The following TRDN variants were observed in gnomAD, a reference collection of about 807,000 sequenced individuals.
The protein encoded by TRDN is triadin.
A neutral mutation model predicts 149.7 loss-of-function variants in TRDN; 161 were observed. The ratio of observed to expected loss-of-function variants is 1.08; its 90% confidence interval spans 0.95 to 1.23. The LOEUF (loss-of-function observed/expected upper bound fraction) is 1.23. TRDN is among the 50% of genes most tolerant of loss of function. TRDN has a pLI of 0.00. For missense variants in TRDN, 896 were observed against 823.5 expected, an observed-to-expected ratio of 1.09 and a Z score of -1.08; for synonymous variants, 294 against 250.5, an observed-to-expected ratio of 1.17 and a Z score of -1.64.
chr6:123,227,142 G>A lies in TRDN; in HGVS notation c.1976-3011C>T, dbSNP rs969744389. 2.6e-5 allele frequency among the ~76,000 whole-genome samples: 4 copies of A among 151,766 alleles called. No homozygotes were observed. The East Asian group carries it at 7.8e-4, about 30-fold the overall frequency. On this transcript the variant is annotated intron_variant, in intron 38 of 40. Transcript: ENST00000334268. ...AAGAGACAAATAATGTTTTAGAGAT[G>A]TACTTGGTAGAAATAAATAAGACTA...
intron 35 of TRDN, 27 bp from the exon 36 acceptor site, chr6:123,255,929 A>G: frequency 8.2e-7 from 1 of 1,226,104 alleles, no homozygotes; most frequent in East Asian, 3.2e-5. Flanking sequence ...GTAACAGGGT[A>G]ATTTATTTTT....
chr6:123,325,365 A>G (rs140866204), intron 23 of TRDN, among the ~76,000 whole-genome samples: 25 of 152,240 alleles, frequency 1.6e-4, no homozygotes, highest in African/African-American at 5.5e-4. Context: ...AAACTCAGAA[A>G]AAGTACAGAA....
chr6:123,481,975 T>C (rs778073462), intron 9 of TRDN, among the ~76,000 whole-genome samples: 35 of 152,216 alleles, frequency 2.3e-4, no homozygotes, highest in Admixed American at 9.8e-4. Flanking sequence ...TTAATCACTC[T>C]GTTAAACTAT....
intron 23 of TRDN, among the ~76,000 whole-genome samples, chr6:123,319,366 G>A (rs1459127066): frequency 6.6e-6 from 1 of 151,754 alleles, no homozygotes; most frequent in Non-Finnish European, 1.5e-5. Context: ...CACTCATTTT[G>A]TAGATGATAT....
At chr6:123,622,991 C>G (rs1409669557) in intron 1 of TRDN, among the ~76,000 whole-genome samples, 2 of 151,994 alleles carry the variant, frequency 1.3e-5, no homozygotes, top group Admixed American at 6.6e-5. Context: ...TTCACTTTAC[C>G]CATCAGAACT....
At chr6:123,239,591 C>T (rs75050574) in intron 38 of TRDN, among the ~76,000 whole-genome samples, 12 of 151,908 alleles carry the variant, frequency 7.9e-5, no homozygotes, top group Admixed American at 4.6e-4. Context: ...ATAAGAATAA[C>T]GTCAGTAATT....
At chr6:123,487,091 G>T (rs1778007224) in intron 9 of TRDN, among the ~76,000 whole-genome samples, 1 of 151,878 alleles carries the variant, frequency 6.6e-6, no homozygotes, top group South Asian at 2.1e-4. Flanking sequence ...ATGTGCTCAA[G>T]CAGTAAATAA....
chr6:123,235,993 C>T (rs1259071972), intron 38 of TRDN, among the ~76,000 whole-genome samples: 1 of 152,120 alleles, frequency 6.6e-6, no homozygotes, highest in Admixed American at 6.6e-5. Context: ...CTGCAATAAA[C>T]ATTTATGTTC....
chr6:123,393,501 TA>T (rs541146817), intron 13 of TRDN, 122 bp downstream of exon 13: 639 of 836,354 alleles, frequency 7.6e-4, no homozygotes, highest in Non-Finnish European at 1.0e-3. Flanking sequence ...CATTCAACAA[TA>T]TTTTTTTTGC....
intron 24 of TRDN, among the ~76,000 whole-genome samples, chr6:123,314,113 A>G (rs183096742): frequency 4.7e-4 from 72 of 152,282 alleles, no homozygotes; most frequent in Admixed American, 4.6e-3. Context: ...ACGCAAGTCT[A>G]ACATCCAGCA....
chr6:123,603,707 C>T (rs1211197146), intron 1 of TRDN, among the ~76,000 whole-genome samples: 1 of 152,042 alleles, frequency 6.6e-6, no homozygotes, highest in Non-Finnish European at 1.5e-5. Context: ...CTGCCATTGT[C>T]CATGTTCCAT....
chr6:123,444,983 T>C (rs1158373867), intron 10 of TRDN: 1 of 152,156 alleles, frequency 6.6e-6, no homozygotes, highest in Non-Finnish European at 1.5e-5. Context: ...AAAATTCTCT[T>C]TTTTGGTTGT....
intron 10 of TRDN, chr6:123,464,292 C>T (rs1776654091): frequency 3.0e-6 from 3 of 984,658 alleles, no homozygotes; most frequent in Non-Finnish European, 3.6e-6. Flanking sequence ...GATCTTGAGA[C>T]ATCATATTTT....
intron 40 of TRDN, among the ~76,000 whole-genome samples, chr6:123,220,204 C>G (rs1035397995): frequency 6.6e-6 from 1 of 151,780 alleles, no homozygotes. Flanking sequence ...TGTAGACTCA[C>G]ATGTAATTGT....
At chr6:123,583,644 A>G (rs1359324858) in intron 1 of TRDN, among the ~76,000 whole-genome samples, 5 of 152,050 alleles carry the variant, frequency 3.3e-5, no homozygotes, top group African/African-American at 9.7e-5. Flanking sequence ...GTATTGAGGT[A>G]GGAAGGCTAA....
At chr6:123,582,830 G>A (rs1220000499) in intron 1 of TRDN, among the ~76,000 whole-genome samples, 1 of 142,710 alleles carries the variant, frequency 7.0e-6, no homozygotes, top group African/African-American at 2.7e-5. Context: ...AGAGATAATG[G>A]GCGATGTTTC....
At chr6:123,610,152 A>G (rs1038858702) in intron 1 of TRDN, among the ~76,000 whole-genome samples, 3 of 152,184 alleles carry the variant, frequency 2.0e-5, no homozygotes, top group African/African-American at 4.8e-5. Flanking sequence ...TCCAAAATAT[A>G]CTGAAGTTTC....
At chr6:123,588,417 C>T (rs1414099100) in intron 1 of TRDN, among the ~76,000 whole-genome samples, 1 of 152,136 alleles carries the variant, frequency 6.6e-6, no homozygotes, top group Non-Finnish European at 1.5e-5. Flanking sequence ...TATAAGGAGA[C>T]ATGTCTGACA....
Position 123,218,012 on chromosome 6 carries a change from A to G in TRDN, c.*589T>C, listed in dbSNP as rs1264764502. On this transcript the variant is annotated 3_prime_UTR_variant, in exon 41 of 41. Transcript: ENST00000334268. ...AAAGCTCAGAGATATTTTGAGCTCT[A>G]AAAGAGTATCACAAGAAATTTATAG... 1 of 152,012 alleles carries G rather than the reference A, an allele frequency of 6.6e-6. No homozygotes were observed. The highest frequency in any genetic ancestry group is 2.4e-5 in the African/African-American group (1 of 41,440). The allele number at this position is 152,012 out of a possible 1,614,324, so 9.4% of individuals were successfully genotyped here. A position where few individuals can be genotyped will look rare whatever the true frequency, so the allele number is the denominator to read the frequency against.
Sources: gnomAD v4.1 joint callset for allele counts (sites outside exome capture counted in the v4.1 genomes callset) on GRCh38, gnomAD v4.1.1 for gene constraint, MANE v1.5 for transcripts, NCBI Gene and HGNC (gene_info 2026-07-23, HGNC 2026-07-21) for gene names.